The following CLVS1 variants were observed in gnomAD, a reference collection of about 807,000 sequenced individuals.
CLVS1 encodes clavesin 1, also known as clavesin-1.
Under a neutral mutation model 33.1 loss-of-function variants are expected in CLVS1, and 10 were observed. That is an observed-to-expected ratio of 0.30 (90% CI 0.19 to 0.51). The LOEUF (loss-of-function observed/expected upper bound fraction) is 0.51, where lower values mean the gene tolerates loss of function less well. CLVS1 is among the 20% of genes least tolerant of loss of function. CLVS1 has a pLI of 0.97. For missense variants in CLVS1, 343 were observed against 433.4 expected, an observed-to-expected ratio of 0.79 and a Z score of 1.85; for synonymous variants, 163 against 166.1, an observed-to-expected ratio of 0.98 and a Z score of 0.14.
intron 1 of CLVS1, among the ~76,000 whole-genome samples, chr8:61,110,440 A>C (rs1451061357): frequency 6.6e-6 from 1 of 152,208 alleles, no homozygotes; most frequent in Non-Finnish European, 1.5e-5. Context: ...CTAAGGCAGC[A>C]ATCCATGAAT....
chr8:61,023,621 G>T, the CLVS1 span, among the ~76,000 whole-genome samples: 2 of 152,168 alleles, frequency 1.3e-5, no homozygotes, highest in Non-Finnish European at 2.9e-5. Flanking sequence ...TATGAATCAG[G>T]ATCCTCGCCT....
At chr8:61,215,682 ATGTGTGTGTGTGTG>A (rs72193127) in intron 2 of CLVS1, among the ~76,000 whole-genome samples, 27,223 of 143,736 alleles carry the variant, frequency 0.19, 2,682 homozygotes, top group Admixed American at 0.26. Context: ...GAAATTGAAA[ATGTGTGTGTGTGTG>A]TGTGTGTGTG....
chr8:61,420,838 G>A (rs773185489), intron 3 of CLVS1, among the ~76,000 whole-genome samples: 4 of 149,920 alleles, frequency 2.7e-5, no homozygotes, highest in Non-Finnish European at 4.4e-5. Flanking sequence ...GCATGGTGGC[G>A]GGCACCTGTA....
At chr8:60,980,107 C>T in the CLVS1 span, among the ~76,000 whole-genome samples, 111 of 152,286 alleles carry the variant, frequency 7.3e-4, no homozygotes, top group East Asian at 0.02. Context: ...CTGACCCAAG[C>T]CCTGTGAGAT....
At chr8:61,412,066 C>G (rs1357789201) in intron 3 of CLVS1, among the ~76,000 whole-genome samples, 1 of 152,088 alleles carries the variant, frequency 6.6e-6, no homozygotes, top group Non-Finnish European at 1.5e-5. Context: ...TGGCCTCTTC[C>G]TAGCAGTGAT....
intron 2 of CLVS1, among the ~76,000 whole-genome samples, chr8:61,311,462 G>A (rs973539142): frequency 6.6e-6 from 1 of 152,170 alleles, no homozygotes; most frequent in Non-Finnish European, 1.5e-5. Flanking sequence ...TCTGTTAGAA[G>A]CCATCTTTCC....
intron 3 of CLVS1, among the ~76,000 whole-genome samples, chr8:61,416,402 A>G (rs1345531369): frequency 4.3e-4 from 65 of 152,322 alleles, no homozygotes; most frequent in Middle Eastern, 6.8e-3. Flanking sequence ...GGGGAAAATA[A>G]TGAATTTTGT....
chr8:61,068,225 A>ATG (rs143987701), intron 1 of CLVS1, among the ~76,000 whole-genome samples: 2 of 113,940 alleles, frequency 1.8e-5, no homozygotes, highest in South Asian at 2.8e-4. Flanking sequence ...ATATGTATGT[A>ATG]TGTGTATATA....
intron 2 of CLVS1, among the ~76,000 whole-genome samples, chr8:61,318,179 G>A (rs1811074617): frequency 6.6e-6 from 1 of 152,152 alleles, no homozygotes; most frequent in Non-Finnish European, 1.5e-5. Flanking sequence ...GCTTTAGAAA[G>A]CGTGTTGTCA....
intron 2 of CLVS1, among the ~76,000 whole-genome samples, chr8:61,244,501 TGTTGTTCA>T (rs1419532852): frequency 9.2e-5 from 14 of 152,176 alleles, no homozygotes; most frequent in African/African-American, 3.1e-4. Context: ...CAAGTTTTAA[TGTTGTTCA>T]GTTCTTCTGT....
At chr8:61,435,123 A>C (rs995370340) in intron 3 of CLVS1, among the ~76,000 whole-genome samples, 2 of 152,158 alleles carry the variant, frequency 1.3e-5, no homozygotes, top group African/African-American at 4.8e-5. Flanking sequence ...AAAAAATCAG[A>C]GCTCACTCCT....
At chr8:61,007,199 A>G in the CLVS1 span, among the ~76,000 whole-genome samples, 12 of 152,262 alleles carry the variant, frequency 7.9e-5, no homozygotes, top group Non-Finnish European at 1.3e-4. Context: ...AAATAGTGTG[A>G]AATTAATTTT....
intron 2 of CLVS1, among the ~76,000 whole-genome samples, chr8:61,257,298 G>T (rs577801409): frequency 1.3e-5 from 2 of 152,136 alleles, no homozygotes; most frequent in Non-Finnish European, 2.9e-5. Flanking sequence ...AACTGATGAC[G>T]TTCAGGCCTT....
chr8:61,126,334 C>G (rs1563412681), intron 1 of CLVS1, among the ~76,000 whole-genome samples: 1 of 152,154 alleles, frequency 6.6e-6, no homozygotes, highest in Admixed American at 6.5e-5. Context: ...GTACTGAGTG[C>G]GTCTGCTACC....
chr8:61,019,457 A>G, the CLVS1 span, among the ~76,000 whole-genome samples: 1 of 152,208 alleles, frequency 6.6e-6, no homozygotes, highest in Non-Finnish European at 1.5e-5. Flanking sequence ...TTTCCTAAAA[A>G]AAATAAACTT....
intron 2 of CLVS1, among the ~76,000 whole-genome samples, chr8:61,180,197 G>C (rs1807201905): frequency 1.3e-5 from 2 of 151,996 alleles, no homozygotes; most frequent in African/African-American, 4.8e-5. Context: ...TGCCATCAGA[G>C]AATACTATAA....
chr8:61,007,802 G>A, the CLVS1 span, among the ~76,000 whole-genome samples: 6 of 152,192 alleles, frequency 3.9e-5, no homozygotes, highest in African/African-American at 1.2e-4. Flanking sequence ...TAAGCGCACC[G>A]CCCCTGGGTA....
In CLVS1 at chr8:61,112,976, A is replaced by G. The variant is rs183642885; in HGVS notation, c.-242-18794A>G. ...GGTGCAGACAGTACTGCAATTTGGG[A>G]GGATATCTCCTCCCAACTATCACTT... is the stretch of plus-strand genomic sequence containing the variant. On this transcript the variant is annotated intron_variant, in intron 1 of 2. Coordinates refer to the CLVS1 transcript ENST00000522621. Among the ~76,000 whole-genome samples the G allele has an allele frequency of 1.2e-4, 18 of 152,258 alleles. No individual in the cohort carries two copies. In the East Asian group the frequency reaches 3.1e-3, roughly 26 times the overall value.
chr8:61,487,975 C>T (rs1453797421), intron 5 of CLVS1, among the ~76,000 whole-genome samples: 1 of 152,132 alleles, frequency 6.6e-6, no homozygotes, highest in Non-Finnish European at 1.5e-5. Flanking sequence ...TGCACCCCAG[C>T]TTTAGAGGGA....
Sources: gnomAD v4.1 joint callset for allele counts (sites outside exome capture counted in the v4.1 genomes callset) on GRCh38, gnomAD v4.1.1 for gene constraint, MANE v1.5 for transcripts, NCBI Gene and HGNC (gene_info 2026-07-23, HGNC 2026-07-21) for gene names.